Variants in EBF2 observed in about 807,000 individuals in gnomAD.
EBF2 encodes transcription factor COE2.
EBF2 carries 21 observed loss-of-function variants against 72.8 expected under a neutral mutation model. That is an observed-to-expected ratio of 0.29 (90% confidence interval 0.20 to 0.42). The LOEUF (loss-of-function observed/expected upper bound fraction) is 0.42, where lower values mean the gene tolerates loss of function less well. Ranked by LOEUF, EBF2 falls within the 10% of genes least tolerant of loss-of-function variation. EBF2 has a pLI of 1.00. For missense variants in EBF2, 637 were observed against 731.2 expected, an observed-to-expected ratio of 0.87 and a Z score of 1.49; for synonymous variants, 299 against 274.2, an observed-to-expected ratio of 1.09 and a Z score of -0.89.
intron 6 of EBF2, among the ~76,000 whole-genome samples, chr8:25,935,135 C>G (rs532135496): frequency 6.6e-6 from 1 of 152,182 alleles, no homozygotes; most frequent in East Asian, 1.9e-4. Context: ...CCAAGGCCCC[C>G]CATCCTTCAT....
At chr8:25,931,063 C>A (rs1044497645) in intron 6 of EBF2, among the ~76,000 whole-genome samples, 4 of 152,112 alleles carry the variant, frequency 2.6e-5, no homozygotes, top group Non-Finnish European at 5.9e-5. Context: ...CATTGTCAGA[C>A]GATATTTTCA....
At chr8:25,961,137 C>T (rs1804027688) in intron 6 of EBF2, among the ~76,000 whole-genome samples, 1 of 151,972 alleles carries the variant, frequency 6.6e-6, no homozygotes, top group Admixed American at 6.6e-5. Context: ...CAGAAAGTAA[C>T]AAGTAAAAAC....
intron 3 of EBF2, 125 bp downstream of exon 3, chr8:26,040,814 C>G (rs946341833): frequency 7.3e-6 from 11 of 1,497,660 alleles, no homozygotes; most frequent in Non-Finnish European, 9.1e-6. Context: ...ATCCCCTGTC[C>G]CAGGCAAGCC....
At chr8:25,986,816 T>C (rs1460193203) in intron 6 of EBF2, among the ~76,000 whole-genome samples, 1 of 152,194 alleles carries the variant, frequency 6.6e-6, no homozygotes, top group Non-Finnish European at 1.5e-5. Context: ...ATAGAGTTGA[T>C]TGTAAGCCAG....
chr8:25,882,276 G>C (rs1468470920), intron 10 of EBF2, among the ~76,000 whole-genome samples: 1 of 152,164 alleles, frequency 6.6e-6, no homozygotes, highest in Non-Finnish European at 1.5e-5. Flanking sequence ...GCGAGCCACA[G>C]CCCCGTCGCA....
intron 6 of EBF2, among the ~76,000 whole-genome samples, chr8:25,941,176 C>A (rs4518680): frequency 1.3e-5 from 2 of 151,048 alleles, no homozygotes; most frequent in Non-Finnish European, 2.9e-5. Flanking sequence ...GGCCTCCCCA[C>A]CCCCAAGCCC....
chr8:25,852,888 C>CTT (rs886869883), intron 14 of EBF2, among the ~76,000 whole-genome samples: 2 of 151,012 alleles, frequency 1.3e-5, no homozygotes, highest in East Asian at 3.8e-4. Flanking sequence ...TGTTTAAAAA[C>CTT]TTTTTTTAAG....
intron 10 of EBF2, among the ~76,000 whole-genome samples, chr8:25,865,150 A>G (rs1802287973): frequency 6.6e-6 from 1 of 152,088 alleles, no homozygotes; most frequent in Non-Finnish European, 1.5e-5. Flanking sequence ...CCTTAGGGAA[A>G]TTTCAAAAAA....
At chr8:25,990,741 A>G (rs1463653580) in intron 6 of EBF2, among the ~76,000 whole-genome samples, 2 of 152,240 alleles carry the variant, frequency 1.3e-5, no homozygotes, top group Non-Finnish European at 2.9e-5. Flanking sequence ...ACTAGCCCAC[A>G]TAGTTCCCAT....
intron 6 of EBF2, among the ~76,000 whole-genome samples, chr8:25,979,105 ATC>A (rs1226661784): frequency 2.6e-5 from 4 of 152,192 alleles, no homozygotes; most frequent in African/African-American, 7.2e-5. Context: ...GGCTGCACGA[ATC>A]TCTCTGCTGG....
rs111367567 is a variant in EBF2 at position 25,940,633 on chromosome 8, T to TAA, written c.552-32080_552-32079dup. ...AAAATGAAAAAATTAAAAAAAAAAATAAAAAAAAAACCACAAAACCAAGGC... is the reference window on the plus strand; with the variant it reads ...AAAATGAAAAAATTAAAAAAAAAAATAAAAAAAAAAAACCACAAAACCAAGGC... On this transcript the variant is annotated intron_variant, in intron 6 of 15. Transcript: ENST00000520164. Among the ~76,000 whole-genome samples, 748 of 138,060 alleles carry TAA rather than the reference T, an allele frequency of 5.4e-3. 4 individuals are homozygous for TAA. The highest frequency in any genetic ancestry group is 0.019 in the African/African-American group (717 of 38,256). The allele number at this position is 138,060 out of a possible 152,430, so 90.6% of individuals were successfully genotyped here.
At chr8:25,999,592 G>T (rs1804688573) in intron 6 of EBF2, among the ~76,000 whole-genome samples, 2 of 148,576 alleles carry the variant, frequency 1.3e-5, no homozygotes, top group East Asian at 2.0e-4. Flanking sequence ...TTCCCTACAT[G>T]TCTTCTGCTT....
rs949666950 is a variant in EBF2, at chr8:26,042,078, G to T, written c.288+17C>A. 6.2e-7 allele frequency: 1 copy of T among 1,612,426 alleles called. No homozygotes were observed. The highest frequency in any genetic ancestry group is 8.5e-7 in the Non-Finnish European group (1 of 1,178,768). On this transcript the variant is annotated intron_variant, in intron 2 of 15. Transcript: ENST00000520164. ...GAGTTATTAGGCCGCGGGGTTTGGG[G>T]GGTACTTTCCGCTTACTTTGTCATT...
chr8:25,864,165 T>C (rs1802261639), intron 10 of EBF2, among the ~76,000 whole-genome samples: 1 of 152,170 alleles, frequency 6.6e-6, no homozygotes. Flanking sequence ...AATTATGATT[T>C]ATATTTCAGG....
At chr8:25,943,516 A>T (rs1803715201) in intron 6 of EBF2, among the ~76,000 whole-genome samples, 1 of 152,004 alleles carries the variant, frequency 6.6e-6, no homozygotes, top group Admixed American at 6.6e-5. Flanking sequence ...TCTCTCAAAA[A>T]AAAATTTTTT....
intron 13 of EBF2, among the ~76,000 whole-genome samples, chr8:25,859,010 T>C (rs1802157811): frequency 6.6e-6 from 1 of 152,108 alleles, no homozygotes; most frequent in South Asian, 2.1e-4. Flanking sequence ...TGTAAGGCCA[T>C]GCCCTTGATA....
chr8:25,881,607 TA>T (rs1424083514), intron 10 of EBF2, among the ~76,000 whole-genome samples: 1 of 151,766 alleles, frequency 6.6e-6, no homozygotes, highest in Non-Finnish European at 1.5e-5. Context: ...AAGTGCTGGG[TA>T]GAGGAAGGCC....
chr8:25,993,031 C>T (rs779790792), intron 6 of EBF2, among the ~76,000 whole-genome samples: 2 of 152,170 alleles, frequency 1.3e-5, no homozygotes, highest in Admixed American at 6.5e-5. Flanking sequence ...CCTGCCCCCA[C>T]CTCCTTCAGT....
At chr8:26,020,812 T>C (rs752146112) in intron 6 of EBF2, among the ~76,000 whole-genome samples, 1 of 152,208 alleles carries the variant, frequency 6.6e-6, no homozygotes, top group Non-Finnish European at 1.5e-5. Context: ...GGGTGGTTAC[T>C]CTTCATCCTG....
Sources: allele counts gnomAD v4.1 joint callset (sites outside exome capture counted in the v4.1 genomes callset), GRCh38; gene constraint gnomAD v4.1.1; transcripts MANE v1.5; gene names NCBI Gene and HGNC (gene_info 2026-07-23, HGNC 2026-07-21).